The following PXK variants were observed in gnomAD, a reference collection of about 807,000 sequenced individuals.
PXK encodes PX domain-containing protein kinase-like protein.
PXK carries 35 observed loss-of-function variants against 84.7 expected under a neutral mutation model. The observed-to-expected ratio is 0.41, with a 90% confidence interval of 0.32 to 0.55. PXK has a LOEUF of 0.55. Ranked by LOEUF, PXK falls within the 20% of genes least tolerant of loss-of-function variation. PXK has a pLI of 0.21. For synonymous variants in PXK, 253 were observed against 260.8 expected (o/e 0.97, Z 0.29); for missense variants, 634 against 699.7 (o/e 0.91, Z 1.06).
chr3:58,345,401 G>A (rs2097796780), intron 1 of PXK, among the ~76,000 whole-genome samples: 1 of 152,036 alleles, frequency 6.6e-6, no homozygotes. Context: ...AATTGTTTGG[G>A]ATCTGAACTA....
At chr3:58,373,664 A>G (rs1339665987) in intron 3 of PXK, among the ~76,000 whole-genome samples, 3 of 152,152 alleles carry the variant, frequency 2.0e-5, no homozygotes, top group Admixed American at 2.0e-4. Context: ...GAACAGATTG[A>G]GGTTGAAAGT....
intron 3 of PXK, among the ~76,000 whole-genome samples, chr3:58,369,937 T>C (rs1381948093): frequency 6.6e-6 from 1 of 152,192 alleles, no homozygotes; most frequent in Admixed American, 6.5e-5. Flanking sequence ...TGATGTAAAG[T>C]ATTCCCAAAA....
chr3:58,417,821 G>A (rs769644019), intron 17 of PXK, among the ~76,000 whole-genome samples: 1 of 152,118 alleles, frequency 6.6e-6, no homozygotes, highest in Non-Finnish European at 1.5e-5. Context: ...ACCCTCCTTT[G>A]GGATTAGACA....
chr3:58,413,672 T>C (rs12497250), intron 17 of PXK: 45,071 of 152,040 alleles, frequency 0.3, 7,439 homozygotes, highest in Middle Eastern at 0.39. Flanking sequence ...ATAAAAACAA[T>C]TGGGACACCA....
chr3:58,378,824 C>T (rs2098470712), intron 3 of PXK, among the ~76,000 whole-genome samples: 1 of 152,046 alleles, frequency 6.6e-6, no homozygotes, highest in African/African-American at 2.4e-5. Flanking sequence ...GCGTGAGCCA[C>T]CGCGCCCAGC....
Position 58,403,896 on chromosome 3 carries a change from A to G in PXK, c.1216A>G (p.Lys406Glu). 1 of 1,542,512 alleles carries G rather than the reference A, an allele frequency of 6.5e-7. No homozygotes were observed. Among genetic ancestry groups the G allele is most frequent in the South Asian group, 1.3e-5 (1 of 77,988 alleles). Reference protein sequence around the residue: ...FSDVLLTTSEKPQFKIPTKLK... With the variant: ...FSDVLLTTSEEPQFKIPTKLK... ...CGATGTTTTACTAACCACTTCTGAA[A>G]AACCACAGTTTAAGGTAAAGACAAT... Residue 406 changes from lysine to glutamate, a missense_variant, in exon 13 of 18, where the codon AAA (lysine) becomes GAA (glutamate). This residue lies in a region of PXK where 273 missense variants were observed against 283.6 expected (regional missense o/e 0.96). Coordinates refer to ENST00000356151, the MANE Select transcript of PXK (RefSeq NM_017771.5).
rs1203617658 is a variant in PXK, at chr3:58,382,567, T to C, written c.255T>C (p.Asp85=). 9.3e-6 allele frequency: 15 copies of C among 1,604,456 alleles called. No homozygotes were observed. The highest frequency in any genetic ancestry group is 1.7e-5 in the Admixed American group (1 of 57,930). The change falls in exon 4 of 18, where the codon GAT becomes GAC. Residue 85 remains aspartate, a synonymous_variant. Coordinates refer to ENST00000356151, the MANE Select transcript of PXK (RefSeq NM_017771.5). ...CCAAAAAATTGATTGGTAACATGGA[T>C]CGTGAATTCATAGCTGAAAGGCAGA... ...LPPKKLIGNM[D]REFIAERQKG...
intron 1 of PXK, among the ~76,000 whole-genome samples, chr3:58,357,205 G>A (rs2098102282): frequency 6.6e-6 from 1 of 151,986 alleles, no homozygotes; most frequent in South Asian, 2.1e-4. Context: ...TTTGAACCTG[G>A]GAGGCAGAGG....
Position 58,369,534 on chromosome 3 carries a change from C to G in PXK, c.201+56C>G, listed in dbSNP as rs1576144024. ...TTGATTACTTGGGGTGTCTAAAAAA[C>G]TGGCTGGAGTCGGGGCACGGTGGCT... On this transcript the variant is annotated intron_variant, in intron 3 of 17. Coordinates refer to ENST00000356151, the MANE Select transcript of PXK (RefSeq NM_017771.5). 4 of 1,471,234 alleles carry G rather than the reference C, an allele frequency of 2.7e-6. No homozygotes were observed. The East Asian group carries it at 9.1e-5, about 33-fold the overall frequency. 91.1% of individuals were successfully genotyped at this position (1,471,234 alleles called of 1,614,324 possible).
At chr3:58,415,713 A>G (rs1489305422) in intron 17 of PXK, among the ~76,000 whole-genome samples, 1 of 152,250 alleles carries the variant, frequency 6.6e-6, no homozygotes, top group Non-Finnish European at 1.5e-5. Context: ...AGTGACAGAA[A>G]GGAAGGCATT....
At chr3:58,386,290 C>CATTTTTTTTTTTTTTTT (rs2098550056) in intron 4 of PXK, among the ~76,000 whole-genome samples, 1 of 82,252 alleles carries the variant, frequency 1.2e-5, no homozygotes, top group African/African-American at 4.9e-5. Flanking sequence ...ATCCCCCTTA[C>CATTTTTTTTTTTTTTTT]TTTTTTTTTT....
At chr3:58,373,310 C>T (rs981127035) in intron 3 of PXK, among the ~76,000 whole-genome samples, 11 of 152,076 alleles carry the variant, frequency 7.2e-5, no homozygotes, top group Non-Finnish European at 1.2e-4. Context: ...CTCCTGACCT[C>T]GTGATCCGCC....
At position 58,399,158 on chromosome 3, in the gene PXK, ATCTG is replaced by A; in HGVS notation, c.1103-135_1103-132del. 9 of 714,394 alleles carry A rather than the reference ATCTG, an allele frequency of 1.3e-5. No individual in the cohort carries two copies. The highest frequency in any genetic ancestry group is 6.5e-5 in the South Asian group (4 of 61,694). The allele number at this position is 714,394 out of a possible 1,614,324, so 44.3% of individuals were successfully genotyped here. On this transcript the variant is annotated intron_variant, in intron 11 of 17. Transcript: ENST00000356151. The surrounding 1 kb of genome is among the most constrained non-coding windows in gnomAD (Gnocchi z 4.3). ...AGCATTCCCCCACCCCACGTATGCC[ATCTG>A]TCTGTGTGTGAAGATTTTTGACACT... is the stretch of plus-strand genomic sequence containing the variant.
chr3:58,372,833 G>T (rs1343165452), intron 3 of PXK, among the ~76,000 whole-genome samples: 1 of 152,016 alleles, frequency 6.6e-6, no homozygotes, highest in Non-Finnish European at 1.5e-5. Context: ...CACTGTGTTG[G>T]CCAGGCTGCC....
intron 1 of PXK, among the ~76,000 whole-genome samples, chr3:58,355,634 G>A (rs1341176404): frequency 2.0e-5 from 3 of 152,168 alleles, no homozygotes; most frequent in Non-Finnish European, 2.9e-5. Context: ...AGAAACTCAG[G>A]AAAACAAATT....
At position 58,388,986 on chromosome 3, in the gene PXK, C is replaced by T. The variant is rs374024355; in HGVS notation, c.389-1596C>T. 2.8e-4 allele frequency among the ~76,000 whole-genome samples: 42 copies of T among 152,138 alleles called. No individual in the cohort carries two copies. The South Asian group carries it at 3.7e-3, about 14-fold the overall frequency. On this transcript the variant is annotated intron_variant, in intron 4 of 17. Transcript: ENST00000356151. The stretch of plus-strand genomic sequence containing the variant: ...GTTTGCTTTCAGGGATCTGGAATGG[C>T]TTCATTTACTCACTGCAATGAGGGG...
rs545874225 is a variant in PXK at position 58,355,543 on chromosome 3, A to C, written c.103-10331A>C. On this transcript the variant is annotated intron_variant, in intron 1 of 17. Coordinates refer to ENST00000356151, the MANE Select transcript of PXK (RefSeq NM_017771.5). Reference sequence around the variant, plus strand: ...AGAAAGGTTCAAAATACGTTTTCCTACTTAGTTTTCCTAAAATTTCACCAA... The same window carrying C: ...AGAAAGGTTCAAAATACGTTTTCCTCCTTAGTTTTCCTAAAATTTCACCAA... 8.5e-5 allele frequency among the ~76,000 whole-genome samples: 13 copies of C among 152,340 alleles called. No homozygotes were observed. The South Asian group carries it at 1.5e-3, about 17-fold the overall frequency.
intron 1 of PXK, among the ~76,000 whole-genome samples, chr3:58,337,675 G>A (rs2097648075): frequency 6.6e-6 from 1 of 152,082 alleles, no homozygotes; most frequent in South Asian, 2.1e-4. Context: ...TTGCTATGTT[G>A]TCCAGGTTGG....
At chr3:58,368,484 A>C (rs2098312424) in intron 2 of PXK, among the ~76,000 whole-genome samples, 1 of 151,926 alleles carries the variant, frequency 6.6e-6, no homozygotes, top group Non-Finnish European at 1.5e-5. Flanking sequence ...CACCATGCCC[A>C]GCTAATCTTT....
Sources: gnomAD v4.1 joint callset for allele counts (sites outside exome capture counted in the v4.1 genomes callset) on GRCh38, gnomAD v4.1.1 for gene constraint, gnomAD v4.1.1 regional missense constraint, Gnocchi (gnomAD v3.1) non-coding constraint, MANE v1.5 for transcripts, NCBI Gene and HGNC (gene_info 2026-07-23, HGNC 2026-07-21) for gene names.